Variants in CORO7 observed in about 807,000 individuals in gnomAD.
CORO7 encodes the protein coronin 7, also known as coronin-7.
In CORO7, 107 loss-of-function variants were observed where a neutral mutation model predicts 126.6. The observed-to-expected ratio is 0.85, with a 90% CI of 0.72 to 0.99. CORO7 has a LOEUF of 0.99. Ranked by LOEUF, CORO7 falls within the 50% of genes least tolerant of loss-of-function variation. The pLI is 0.00. For missense variants in CORO7, 1,314 were observed against 1,255.8 expected (o/e 1.05, Z -0.70); for synonymous variants, 603 against 536.8 (o/e 1.12, Z -1.70).
chr16:4,355,291 C>T lies in CORO7; in HGVS notation c.2767G>A (p.Glu923Lys), dbSNP rs201397239. 11 of 1,613,454 alleles carry T rather than the reference C, an allele frequency of 6.8e-6. No individual in the cohort carries two copies. Among genetic ancestry groups the T allele is most frequent in the East Asian group, 6.7e-5 (3 of 44,870 alleles). The change falls in exon 27 of 28, where the codon GAG (glutamate) becomes AAG (lysine). Residue 923 changes from glutamate (E) to lysine (K), a missense_variant. Coordinates refer to ENST00000251166, the MANE Select transcript of CORO7 (RefSeq NM_024535.5). The stretch of plus-strand genomic sequence containing the variant: ...TGAGGCCACTCACTACTCACCCACT[C>T]GTCCTCGTCCACGCCTTCAAAGGAG... ...QDSFEGVDED[E>K]WD
At chr16:4,389,592 G>A (rs964188640) in intron 7 of CORO7, among the ~76,000 whole-genome samples, 3 of 152,290 alleles carry the variant, frequency 2.0e-5, no homozygotes, top group Non-Finnish European at 2.9e-5. Flanking sequence ...TCCAGGTCCC[G>A]TCCTTCGAGG....
At chr16:4,373,009 T>C (rs1596293891) in intron 9 of CORO7, among the ~76,000 whole-genome samples, 1 of 152,052 alleles carries the variant, frequency 6.6e-6, no homozygotes, top group Non-Finnish European at 1.5e-5. Context: ...GACTGTACTT[T>C]GGGTGTTGAG....
chr16:4,357,998 G>A lies in CORO7; in HGVS notation c.2563C>T (p.Leu855Phe). Residue 855 changes from leucine (L) to phenylalanine (F), a missense_variant, in exon 25 of 28, where the codon CTC becomes TTC. Coordinates refer to ENST00000251166, the MANE Select transcript of CORO7 (RefSeq NM_024535.5). ...CTCATGTCAGGAGGCTGCAGGCTGA[G>A]AAGCCAGGGCTGCCCATTAGCGCCT... ...LQGANGQPWL[L>F]SLQPPDMSPV... is the part of the protein sequence containing the mutation. The A allele has an allele frequency of 7.5e-6, 12 of 1,609,746 alleles. No homozygotes were observed. The highest frequency in any genetic ancestry group is 1.0e-5 in the Non-Finnish European group (12 of 1,176,700).
intron 5 of CORO7, among the ~76,000 whole-genome samples, chr16:4,406,556 T>C (rs1427897361): frequency 3.3e-5 from 5 of 152,142 alleles, no homozygotes; most frequent in Non-Finnish European, 7.4e-5. Flanking sequence ...CATTTTGGCA[T>C]CCCAAAGTGC....
At chr16:4,358,269 G>A (rs759863505) in intron 24 of CORO7, 98 bp downstream of exon 24, 3 of 1,538,020 alleles carry the variant, frequency 2.0e-6, no homozygotes, top group Non-Finnish European at 2.6e-6. Flanking sequence ...CATGAACAAT[G>A]GGTAGGGAAG....
rs112617295 is a variant in CORO7, at chr16:4,380,660, C to T, written c.785+7326G>A. Reference sequence around the variant, plus strand: ...AGTGGATGTCATGCCCCATGATGACCTCTGTGTGCATTGACAAGGTCACAC... The same window carrying T: ...AGTGGATGTCATGCCCCATGATGACTTCTGTGTGCATTGACAAGGTCACAC... On this transcript the variant is annotated intron_variant, in intron 9 of 27. Transcript: ENST00000251166. 8.6e-3 allele frequency among the ~76,000 whole-genome samples: 1,309 copies of T among 152,330 alleles called. 20 individuals carry two copies. The highest frequency in any genetic ancestry group is 0.03 in the African/African-American group (1,244 of 41,574).
rs1189443549 is a variant in CORO7, at chr16:4,357,985, G to C, written c.2576C>G (p.Pro859Arg). 5.0e-6 allele frequency: 8 copies of C among 1,608,358 alleles called. No individual in the cohort carries two copies. The highest frequency in any genetic ancestry group is 1.3e-5 in the African/African-American group (1 of 74,862). The change falls in exon 25 of 28, where the codon CCT (proline) becomes CGT (arginine). Residue 859 changes from proline (P) to arginine (R), a missense_variant. Physicochemically the swap from Pro to Arg is moderately radical, Grantham distance 103. Transcript: ENST00000251166. ...NGQPWLLSLQ[P>R]PDMSPVSQAP... ...CGGTGCACCTGGGCTCATGTCAGGA[G>C]GCTGCAGGCTGAGAAGCCAGGGCTG... is the stretch of plus-strand genomic sequence containing the variant.
intron 9 of CORO7, among the ~76,000 whole-genome samples, chr16:4,369,871 C>G (rs376987952): frequency 5.3e-5 from 8 of 152,110 alleles, no homozygotes; most frequent in Non-Finnish European, 1.2e-4. Flanking sequence ...CTAGCTCCCC[C>G]GCTGTGTGCA....
intron 9 of CORO7, chr16:4,381,694 A>T: frequency 6.2e-7 from 1 of 1,607,784 alleles, no homozygotes; most frequent in Non-Finnish European, 8.5e-7. Flanking sequence ...GGATGTGAGC[A>T]ACCTAAGCCT....
intron 7 of CORO7, among the ~76,000 whole-genome samples, chr16:4,389,938 C>T (rs1225985013): frequency 3.3e-5 from 5 of 152,160 alleles, no homozygotes; most frequent in Non-Finnish European, 5.9e-5. Flanking sequence ...GCAGTGGGGC[C>T]GGATGGTTCT....
chr16:4,398,549 C>A (rs1197438254), intron 6 of CORO7, among the ~76,000 whole-genome samples: 1 of 151,966 alleles, frequency 6.6e-6, no homozygotes, highest in African/African-American at 2.4e-5. Context: ...ACCTGTAATA[C>A]CAGCTACTCG....
At chr16:4,403,684 G>A (rs982706482) in intron 6 of CORO7, among the ~76,000 whole-genome samples, 1 of 152,098 alleles carries the variant, frequency 6.6e-6, no homozygotes, top group Non-Finnish European at 1.5e-5. Context: ...CCATGGGGCT[G>A]CTCACTGTCC....
chr16:4,361,634 C>T, intron 16 of CORO7, 165 bp from the exon 17 acceptor site: 1 of 895,456 alleles, frequency 1.1e-6, no homozygotes, highest in Non-Finnish European at 1.8e-6. Flanking sequence ...GCTCTGAGCC[C>T]CAAGTGCCAA....
In CORO7 at chr16:4,381,732, C is replaced by T. The variant is rs1236333557; in HGVS notation, c.785+6254G>A. 4 of 1,605,480 alleles carry T rather than the reference C, an allele frequency of 2.5e-6. No homozygotes were observed. In the Middle Eastern group the frequency reaches 4.9e-4, roughly 198 times the overall value. On this transcript the variant is annotated intron_variant, in intron 9 of 27. Coordinates refer to ENST00000251166, the MANE Select transcript of CORO7 (RefSeq NM_024535.5). Reference sequence around the variant, plus strand: ...AGGCCCTGCCTGGCGACCTCTCGGGCCTCTTCCCCCGCCTGCGGCTGCTGG... The same window carrying T: ...AGGCCCTGCCTGGCGACCTCTCGGGTCTCTTCCCCCGCCTGCGGCTGCTGG...
chr16:4,401,722 C>T (rs906697933), intron 6 of CORO7, among the ~76,000 whole-genome samples: 13 of 152,050 alleles, frequency 8.5e-5, no homozygotes, highest in Admixed American at 7.9e-4. Context: ...AGGAGACAGG[C>T]AGGACACGAG....
intron 9 of CORO7, among the ~76,000 whole-genome samples, chr16:4,386,300 CATT>C (rs1164232337): frequency 6.6e-6 from 1 of 152,346 alleles, no homozygotes; most frequent in Admixed American, 6.5e-5. Flanking sequence ...GTCTGGGCAT[CATT>C]AACTCCTCCA....
Position 4,362,674 on chromosome 16 carries a change from G to C in CORO7, c.1340C>G (p.Ser447Ter). 1.3e-6 allele frequency: 2 copies of C among 1,510,532 alleles called. No individual in the cohort carries two copies. Among genetic ancestry groups the C allele is most frequent in the South Asian group, 1.3e-5 (1 of 76,956 alleles). 93.6% of individuals were successfully genotyped at this position (1,510,532 alleles called of 1,614,324 possible). A position where few individuals can be genotyped will look rare whatever the true frequency, so the allele number is the denominator to read the frequency against. The change falls in exon 15 of 28, where the codon TCA becomes TGA. Residue 447 changes from serine to a stop codon, truncating the protein, a stop_gained. Transcript: ENST00000251166. LOFTEE classifies it high-confidence loss of function. The surrounding 1 kb of genome is among the most constrained non-coding windows in gnomAD (Gnocchi z 5.3). ...CCCGATGCCACTGGTGCTGGAGAGT[G>C]AGGGCCCCAGGCTGGAGGGCGTGGA... Reference protein sequence around the residue: ...SPSTPSSLGPSLSSTSGIGTS... With the variant: ...SPSTPSSLGP
At chr16:4,409,733 G>A (rs907884501) in intron 3 of CORO7, among the ~76,000 whole-genome samples, 1 of 152,230 alleles carries the variant, frequency 6.6e-6, no homozygotes, top group Admixed American at 6.5e-5. Flanking sequence ...CATCAGAAAC[G>A]CACCCAGAAG....
intron 14 of CORO7, among the ~76,000 whole-genome samples, chr16:4,363,846 C>A (rs1342099192): frequency 2.0e-5 from 3 of 150,958 alleles, no homozygotes; most frequent in African/African-American, 7.3e-5. Context: ...TGGTGAAACC[C>A]CATGTCTACT....
Sources: gnomAD v4.1 joint callset for allele counts (sites outside exome capture counted in the v4.1 genomes callset) on GRCh38, gnomAD v4.1.1 for gene constraint, Gnocchi (gnomAD v3.1) non-coding constraint, MANE v1.5 for transcripts, NCBI Gene and HGNC (gene_info 2026-07-23, HGNC 2026-07-21) for gene names.